LMTK3: variants seen among roughly 807,000 people sequenced by gnomAD.
The protein encoded by LMTK3 is lemur tail kinase 3.
In LMTK3, 27 loss-of-function variants were observed where a neutral mutation model predicts 116.7. The ratio of observed to expected loss-of-function variants is 0.23; its 90% CI spans 0.17 to 0.32. The LOEUF (loss-of-function observed/expected upper bound fraction) is 0.32, where lower values mean the gene tolerates loss of function less well. Among genes scored for constraint, LMTK3 ranks in the 10% least tolerant of loss-of-function variants. The pLI, the probability that LMTK3 is intolerant of heterozygous loss-of-function variation, is 1.00. For missense variants in LMTK3, 1,764 were observed against 2,068.5 expected, an observed-to-expected ratio of 0.85 and a Z score of 2.86; for synonymous variants, 965 against 971.0, an observed-to-expected ratio of 0.99 and a Z score of 0.11.
rs1270856648 is a variant in LMTK3 at position 48,511,607 on chromosome 19, G to A, written c.-31C>T. ...CGAGGATGGCAGGGAGGTGGAGGTG[G>A]TGGCGGCTGGGGAGGAGGGGGGGGC... On this transcript the variant is annotated 5_prime_UTR_variant, in exon 1 of 15. Transcript: ENST00000600059. 9.2e-7 allele frequency: 1 copy of A among 1,089,348 alleles called. No homozygotes were observed. The highest frequency in any genetic ancestry group is 1.2e-6 in the Non-Finnish European group (1 of 802,552). The allele number at this position is 1,089,348 out of a possible 1,614,324, so 67.5% of individuals were successfully genotyped here.
At position 48,501,055 on chromosome 19, in the gene LMTK3, G is replaced by T; in HGVS notation, c.1092C>A (p.Val364=). ...GGGCCAGCTTCACATGCTGCTGGCG[G>T]ACCACGAAGGCGAGGACCTCCTCGT... ...LSDEEVLAFV[V]RQQHVKLARP... Residue 364 remains valine (V), a synonymous_variant, in exon 10 of 15, where the codon GTC becomes GTA. Coordinates refer to ENST00000600059, the MANE Select transcript of LMTK3 (RefSeq NM_001388485.1). The T allele has an allele frequency of 6.4e-7, 1 of 1,556,506 alleles. No individual in the cohort carries two copies. The highest frequency in any genetic ancestry group is 8.7e-7 in the Non-Finnish European group (1 of 1,152,570).
chr19:48,495,555 C>A (rs1199578194), intron 11 of LMTK3, among the ~76,000 whole-genome samples: 3 of 152,214 alleles, frequency 2.0e-5, no homozygotes, highest in Non-Finnish European at 4.4e-5. Context: ...TTTCCTGATA[C>A]AGCTGTTCAC....
chr19:48,492,466 C>T (rs138698459), intron 12 of LMTK3, among the ~76,000 whole-genome samples: 3 of 152,150 alleles, frequency 2.0e-5, no homozygotes, highest in South Asian at 2.1e-4. Context: ...GGATTACAGG[C>T]GTGAGCCACC....
At chr19:48,505,910 G>A (rs1467620362) in intron 5 of LMTK3, among the ~76,000 whole-genome samples, 2 of 143,436 alleles carry the variant, frequency 1.4e-5, no homozygotes, top group Non-Finnish European at 3.0e-5. Flanking sequence ...GGAGGCCAAG[G>A]TGGGTGAATC....
Position 48,502,492 on chromosome 19 carries a change from C to T in LMTK3, c.735G>A (p.Arg245=), listed in dbSNP as rs1363910660. The change falls in exon 7 of 15, where the codon AGG becomes AGA. Residue 245 remains arginine, a synonymous_variant. Transcript: ENST00000600059. ...LPPRDLRTLQ[R]MGLEIARGLA... ...GCCCGCGGGCGATCTCCAGGCCCAT[C>T]CTCTGCAGCGTCCGCAGGTCTCGAG... 1.4e-5 allele frequency: 23 copies of T among 1,611,088 alleles called. No homozygotes were observed. The highest frequency in any genetic ancestry group is 2.0e-5 in the Non-Finnish European group (23 of 1,179,094).
chr19:48,493,190 C>A (rs1972255634), intron 12 of LMTK3, among the ~76,000 whole-genome samples: 2 of 151,028 alleles, frequency 1.3e-5, no homozygotes, highest in South Asian at 4.2e-4. Flanking sequence ...TCCTTCCAGG[C>A]CCCGCCCCCG....
At chr19:48,499,965 GAA>G (rs1158518568) in intron 10 of LMTK3, 48 bp from the exon 11 acceptor site, 2 of 1,512,558 alleles carry the variant, frequency 1.3e-6, no homozygotes, top group African/African-American at 1.4e-5. Flanking sequence ...CCAGGGAGGG[GAA>G]AGAGACCCAG....
chr19:48,495,786 G>A (rs767408965), intron 11 of LMTK3, among the ~76,000 whole-genome samples: 5 of 152,162 alleles, frequency 3.3e-5, no homozygotes, highest in African/African-American at 4.8e-5. Context: ...AAGAAGTTGC[G>A]CCTCCCAGAG....
chr19:48,503,199 C>A (rs1972503682), intron 5 of LMTK3, among the ~76,000 whole-genome samples: 1 of 152,236 alleles, frequency 6.6e-6, no homozygotes, highest in South Asian at 2.1e-4. Flanking sequence ...AGGCATGCGC[C>A]ACCACGCCTG....
In LMTK3 at chr19:48,493,680, C is replaced by T. The variant is rs1323182718; in HGVS notation, c.4092+14G>A. The T allele has an allele frequency of 6.4e-7, 1 of 1,558,854 alleles. No homozygotes were observed. Among genetic ancestry groups the T allele is most frequent in the South Asian group, 1.2e-5 (1 of 84,818 alleles). On this transcript the variant is annotated intron_variant, in intron 12 of 14. Transcript: ENST00000600059. ...GGCCGCGACCCCGAAACCGCGCCCT[C>T]TCGGGTTCCGCACCTGGTCGAAGAG...
chr19:48,493,648 C>T, intron 12 of LMTK3, 46 bp downstream of exon 12: 2 of 1,521,986 alleles, frequency 1.3e-6, no homozygotes, highest in Non-Finnish European at 1.8e-6. Flanking sequence ...GGCTCCTGCT[C>T]CCTCCAGGCC....
At position 48,511,545 on chromosome 19, in the gene LMTK3, G is replaced by A. The variant is rs866768131; in HGVS notation, c.32C>T (p.Ala11Val). 4 of 1,438,342 alleles carry A rather than the reference G, an allele frequency of 2.8e-6. No homozygotes were observed. Among genetic ancestry groups the A allele is most frequent in the Non-Finnish European group, 2.8e-6 (3 of 1,082,748 alleles). The allele number at this position is 1,438,342 out of a possible 1,614,324, so 89.1% of individuals were successfully genotyped here. The change falls in exon 1 of 15, where the codon GCG (alanine) becomes GTG (valine). Residue 11 changes from alanine (A) to valine (V), a missense_variant. Ala to Val is a moderately conservative substitution (Grantham distance 64). Transcript: ENST00000600059. ...CAGGCAGCCGGAGGCGGAGACGGCC[G>A]CAAGGAGGATGAGGGCGCCGGGGGC... Reference protein sequence around the residue: MPAPGALILLAAVSASGCLAS... With the variant: MPAPGALILLVAVSASGCLAS...
At position 48,499,104 on chromosome 19, in the gene LMTK3, G is replaced by T; in HGVS notation, c.1965C>A (p.Ser655Arg). The stretch of plus-strand genomic sequence containing the variant: ...GGCGGCTTGGGCCACCTCCAAGGCT[G>T]CTGCTGTCTTCCCCTGGGGAGCTGC... ...EEGSSPGEDS[S>R]SLGGGPSRRG... Residue 655 changes from serine to arginine, a missense_variant, in exon 11 of 15, where the codon AGC becomes AGA. Physicochemically the swap from Ser to Arg is moderately radical, Grantham distance 110 (BLOSUM62 -1). Around this residue, in one of 7 missense-constraint regions of LMTK3, gnomAD observed 1,028 missense variants for 1,050.6 expected, o/e 0.98. Coordinates refer to ENST00000600059, the MANE Select transcript of LMTK3 (RefSeq NM_001388485.1). 3 of 1,557,800 alleles carry T rather than the reference G, an allele frequency of 1.9e-6. No homozygotes were observed. The highest frequency in any genetic ancestry group is 1.7e-6 in the Non-Finnish European group (2 of 1,156,594).
chr19:48,496,966 C>T (rs936287106), intron 11 of LMTK3, among the ~76,000 whole-genome samples: 1 of 152,246 alleles, frequency 6.6e-6, no homozygotes, highest in South Asian at 2.1e-4. Flanking sequence ...TGAAGCCCCA[C>T]TCTGCCTCCC....
At chr19:48,507,555 G>T (rs1223075830) in intron 5 of LMTK3, among the ~76,000 whole-genome samples, 2 of 151,882 alleles carry the variant, frequency 1.3e-5, no homozygotes, top group Admixed American at 6.6e-5. Flanking sequence ...TATGATGAGG[G>T]TGGCTGAGGA....
rs1972211618 is a variant in LMTK3 at position 48,491,023 on chromosome 19, T to C, written c.4366+85A>G. 1 of 886,938 alleles carries C rather than the reference T, an allele frequency of 1.1e-6. No individual in the cohort carries two copies. Among genetic ancestry groups the C allele is most frequent in the Non-Finnish European group, 1.5e-6 (1 of 661,844 alleles). 54.9% of individuals were successfully genotyped at this position (886,938 alleles called of 1,614,324 possible). Reference sequence around the variant, plus strand: ...GACTGGGAAGAGAGAGGCAGGGACATTGAAAGATGGTCACAAGAAGTTGGC... The same window carrying C: ...GACTGGGAAGAGAGAGGCAGGGACACTGAAAGATGGTCACAAGAAGTTGGC... On this transcript the variant is annotated intron_variant, in intron 14 of 14. Transcript: ENST00000600059. This position sits in a 1 kb window ranked among gnomAD's most constrained non-coding sequence, Gnocchi z 5.1.
Position 48,511,620 on chromosome 19 carries a change from A to C in LMTK3, c.-44T>G. 1 of 118,226 alleles carries C rather than the reference A, an allele frequency of 8.5e-6. No homozygotes were observed. Among genetic ancestry groups the C allele is most frequent in the Non-Finnish European group, 1.5e-5 (1 of 66,524 alleles). 7.3% of individuals were successfully genotyped at this position (118,226 alleles called of 1,614,324 possible). A position where few individuals can be genotyped will look rare whatever the true frequency, so the allele number is the denominator to read the frequency against. On this transcript the variant is annotated 5_prime_UTR_variant, in exon 1 of 15. Transcript: ENST00000600059. ...GAGGTGGAGGTGGTGGCGGCTGGGGAGGAGGGGGGGGCGGGCCCTCAGCCC... is the reference window on the plus strand; with the variant it reads ...GAGGTGGAGGTGGTGGCGGCTGGGGCGGAGGGGGGGGCGGGCCCTCAGCCC...
chr19:48,513,122 C>T (rs756678213), upstream of LMTK3: 43 of 1,589,076 alleles, frequency 2.7e-5, no homozygotes, highest in Admixed American at 6.6e-4. The surrounding 1 kb of genome is among the most constrained non-coding windows in gnomAD (Gnocchi z 5.6). Context: ...CACAGACACA[C>T]GGGTCGCAAA....
Position 48,500,045 on chromosome 19 carries a change from G to T in LMTK3, c.1152-128C>A. On this transcript the variant is annotated intron_variant, in intron 10 of 14. Coordinates refer to ENST00000600059, the MANE Select transcript of LMTK3 (RefSeq NM_001388485.1). This position sits in a 1 kb window ranked among gnomAD's most constrained non-coding sequence, Gnocchi z 4.0. Reference sequence around the variant, plus strand: ...GGGTAACAGAGACCCAGAGAGAGGGGGACAGAGACCCAGAGAGAGGGGGAC... The same window carrying T: ...GGGTAACAGAGACCCAGAGAGAGGGTGACAGAGACCCAGAGAGAGGGGGAC... The T allele has an allele frequency of 1.2e-6, 1 of 861,200 alleles. No individual in the cohort carries two copies. The highest frequency in any genetic ancestry group is 1.7e-6 in the Non-Finnish European group (1 of 578,492). 53.3% of individuals were successfully genotyped at this position (861,200 alleles called of 1,614,324 possible). A position where few individuals can be genotyped will look rare whatever the true frequency, so the allele number is the denominator to read the frequency against.
Sources: allele counts gnomAD v4.1 joint callset (sites outside exome capture counted in the v4.1 genomes callset), GRCh38; gene constraint gnomAD v4.1.1; regional missense constraint gnomAD v4.1.1; non-coding constraint Gnocchi (gnomAD v3.1); transcripts MANE v1.5; gene names NCBI Gene and HGNC (gene_info 2026-07-23, HGNC 2026-07-21).